TLL1: variants seen among roughly 807,000 people sequenced by gnomAD.
TLL1 encodes tolloid like 1.
Under a neutral mutation model 128.2 loss-of-function variants are expected in TLL1, and 49 were observed. The observed-to-expected ratio is 0.38, with a 90% CI of 0.30 to 0.48. TLL1 has a LOEUF of 0.48. Among genes scored for constraint, TLL1 ranks in the 20% least tolerant of loss-of-function variants. The pLI, the probability that TLL1 is intolerant of heterozygous loss-of-function variation, is 0.96. For missense variants in TLL1, 1,123 were observed against 1,242.0 expected, an observed-to-expected ratio of 0.90 and a Z score of 1.44; for synonymous variants, 454 against 418.8, an observed-to-expected ratio of 1.08 and a Z score of -1.03.
intron 11 of TLL1, among the ~76,000 whole-genome samples, chr4:166,042,553 G>T (rs1739285410): frequency 6.6e-6 from 1 of 152,146 alleles, no homozygotes; most frequent in Non-Finnish European, 1.5e-5. Flanking sequence ...GATTTCTGAG[G>T]CATGCTTTAT....
chr4:166,043,393 G>C lies in TLL1; in HGVS notation c.1498G>C (p.Val500Leu), dbSNP rs1312820045. 6.2e-7 allele frequency: 1 copy of C among 1,614,094 alleles called. No individual in the cohort carries two copies. Among genetic ancestry groups the C allele is most frequent in the Admixed American group, 1.7e-5 (1 of 60,012 alleles). Residue 500 changes from valine to leucine, a missense_variant, in exon 12 of 21, where the codon GTC (valine) becomes CTC (leucine). By Grantham distance (32) the Val-to-Leu change is conservative. Around this residue, in one of 3 missense-constraint regions of TLL1, gnomAD observed 634 missense variants for 672.4 expected, o/e 0.94. Transcript: ENST00000061240. ...AATAACAGTGTCTGAGAGCTACCAC[G>C]TCGGGCTGACCTTTCAGTCCTTTGA... ...WKITVSESYH[V>L]GLTFQSFEIE...
chr4:166,012,884 A>G (rs994683925), intron 7 of TLL1, among the ~76,000 whole-genome samples: 1 of 151,778 alleles, frequency 6.6e-6, no homozygotes, highest in African/African-American at 2.4e-5. Context: ...TCTATAGATC[A>G]GTGCCCTTTC....
chr4:165,932,326 C>T (rs1289552095), intron 1 of TLL1, among the ~76,000 whole-genome samples: 1 of 152,170 alleles, frequency 6.6e-6, no homozygotes, highest in Non-Finnish European at 1.5e-5. Flanking sequence ...CAGGTTGTTT[C>T]TTTATACTGA....
chr4:165,947,371 G>A (rs1006803713), intron 1 of TLL1, among the ~76,000 whole-genome samples: 2 of 152,030 alleles, frequency 1.3e-5, no homozygotes, highest in Non-Finnish European at 2.9e-5. Context: ...CCTTGGCTGG[G>A]GTCATGGAGG....
At chr4:166,043,508 CAG>C (rs1739329207) in intron 12 of TLL1, 89 bp downstream of exon 12, 15 of 1,568,222 alleles carry the variant, frequency 9.6e-6, no homozygotes, top group South Asian at 7.8e-5. Flanking sequence ...AGCAAAGAAA[CAG>C]AGAGTCAGCC....
At chr4:165,957,260 G>A (rs187670238) in intron 1 of TLL1, among the ~76,000 whole-genome samples, 1 of 152,020 alleles carries the variant, frequency 6.6e-6, no homozygotes. Context: ...ACAAAGAAGG[G>A]CATTACATAG....
intron 6 of TLL1, among the ~76,000 whole-genome samples, chr4:166,007,023 A>T (rs2111039857): frequency 6.6e-6 from 1 of 151,806 alleles, no homozygotes; most frequent in South Asian, 2.1e-4. Context: ...CCAAAAGTGA[A>T]TTTGGAATTC....
Position 166,081,949 on chromosome 4 carries a change from T to C in TLL1, c.2442+3919T>C, listed in dbSNP as rs184287862. On this transcript the variant is annotated intron_variant, in intron 18 of 20. Coordinates refer to ENST00000061240, the MANE Select transcript of TLL1 (RefSeq NM_012464.5). ...TAGGGCAATCTGTTCCTTCACACAT[T>C]GCAGGATTTATTTTTCTTGCCAATA... 1.2e-3 allele frequency among the ~76,000 whole-genome samples: 179 copies of C among 152,250 alleles called. 1 individual carries two copies. The highest frequency in any genetic ancestry group is 4.2e-3 in the African/African-American group (173 of 41,554).
At chr4:165,901,294 G>A (rs540146343) in intron 1 of TLL1, among the ~76,000 whole-genome samples, 152 of 152,276 alleles carry the variant, frequency 1.0e-3, no homozygotes, top group Non-Finnish European at 1.8e-3. Context: ...GTGAGGAGTT[G>A]TGATCCTTTG....
intron 1 of TLL1, among the ~76,000 whole-genome samples, chr4:165,898,730 A>T (rs189374765): frequency 6.6e-6 from 1 of 152,280 alleles, no homozygotes; most frequent in East Asian, 1.9e-4. Flanking sequence ...TATCAGGATG[A>T]TACTGGCCTC....
chr4:165,895,633 TA>T (rs57920393), intron 1 of TLL1, among the ~76,000 whole-genome samples: 1,119 of 68,298 alleles, frequency 0.016, 14 homozygotes, highest in African/African-American at 0.093. Flanking sequence ...AGACTTTTTG[TA>T]AAAAAAAAAA....
intron 1 of TLL1, 77 bp downstream of exon 1, chr4:165,874,150 C>A: frequency 6.4e-7 from 1 of 1,559,284 alleles, no homozygotes; most frequent in Admixed American, 1.7e-5. Context: ...GCGGTGGGAG[C>A]TCACCTGTTT....
At chr4:165,909,300 T>C (rs544485373) in intron 1 of TLL1, among the ~76,000 whole-genome samples, 1 of 152,158 alleles carries the variant, frequency 6.6e-6, no homozygotes, top group Admixed American at 6.6e-5. Flanking sequence ...GAGGCCAGGG[T>C]TGACTTAGAC....
chr4:165,936,025 T>A (rs145564773), intron 1 of TLL1, among the ~76,000 whole-genome samples: 3,691 of 151,866 alleles, frequency 0.024, 43 homozygotes, highest in Non-Finnish European at 0.036. Flanking sequence ...TTAACTTTTT[T>A]TTTTTCATGT....
chr4:166,041,281 G>A (rs1369370896), intron 10 of TLL1, among the ~76,000 whole-genome samples: 1 of 148,556 alleles, frequency 6.7e-6, no homozygotes, highest in Non-Finnish European at 1.5e-5. Context: ...TGAGCTGAGA[G>A]CACATTCTTT....
At chr4:165,966,278 T>C (rs529044111) in intron 1 of TLL1, among the ~76,000 whole-genome samples, 104 of 151,582 alleles carry the variant, frequency 6.9e-4, no homozygotes, top group Middle Eastern at 3.5e-3. Context: ...CACTAGACGA[T>C]TGGAAAGCTG....
intron 1 of TLL1, among the ~76,000 whole-genome samples, chr4:165,914,249 A>G (rs1187970217): frequency 1.3e-5 from 2 of 152,214 alleles, no homozygotes; most frequent in African/African-American, 4.8e-5. Flanking sequence ...GCTACCCCAG[A>G]AAACAATAGT....
chr4:166,024,675 C>A (rs536643253), intron 8 of TLL1, among the ~76,000 whole-genome samples: 1 of 151,998 alleles, frequency 6.6e-6, no homozygotes, highest in Non-Finnish European at 1.5e-5. Flanking sequence ...ACAAGCTTAG[C>A]AAGAGGAAAA....
At chr4:166,094,327 CT>C (rs1475994928) in intron 19 of TLL1, among the ~76,000 whole-genome samples, 1 of 152,114 alleles carries the variant, frequency 6.6e-6, no homozygotes. Flanking sequence ...TATAGTAATA[CT>C]TTCTCATGTA....
Sources: allele counts gnomAD v4.1 joint callset (sites outside exome capture counted in the v4.1 genomes callset), GRCh38; gene constraint gnomAD v4.1.1; regional missense constraint gnomAD v4.1.1; transcripts MANE v1.5; gene names NCBI Gene and HGNC (gene_info 2026-07-23, HGNC 2026-07-21).